Variants in KCNC2 observed in about 807,000 individuals in gnomAD.
The protein encoded by KCNC2 is voltage-gated potassium channel KCNC2.
A neutral mutation model predicts 44.5 loss-of-function variants in KCNC2; 21 were observed. The observed-to-expected ratio is 0.47, with a 90% CI of 0.33 to 0.68. KCNC2 has a LOEUF of 0.68. Ranked by LOEUF, KCNC2 falls within the 30% of genes least tolerant of loss-of-function variation. KCNC2 has a pLI of 0.01. For synonymous variants in KCNC2, 391 were observed against 339.1 expected, an observed-to-expected ratio of 1.15 and a Z score of -1.68; for missense variants, 589 against 826.2, an observed-to-expected ratio of 0.71 and a Z score of 3.52.
At chr12:75,104,589 T>C (rs1422127985) in intron 2 of KCNC2, among the ~76,000 whole-genome samples, 1 of 152,160 alleles carries the variant, frequency 6.6e-6, no homozygotes, top group African/African-American at 2.4e-5. Context: ...ATTCTGAGCA[T>C]GGTTTTAAAA....
chr12:75,171,027 C>T (rs1357812183), intron 2 of KCNC2, among the ~76,000 whole-genome samples: 1 of 151,276 alleles, frequency 6.6e-6, no homozygotes, highest in Non-Finnish European at 1.5e-5. Flanking sequence ...CGGTCTTAAC[C>T]ACCTGGGCCT....
At chr12:75,208,674 AC>A (rs2031910745) in intron 1 of KCNC2, among the ~76,000 whole-genome samples, 1 of 148,466 alleles carries the variant, frequency 6.7e-6, no homozygotes, top group African/African-American at 2.5e-5. Flanking sequence ...CTTCTGAGCA[AC>A]CTGTTCTAGG....
intron 2 of KCNC2, among the ~76,000 whole-genome samples, chr12:75,053,583 C>T (rs183012979): frequency 6.6e-6 from 1 of 151,892 alleles, no homozygotes; most frequent in Non-Finnish European, 1.5e-5. Flanking sequence ...ATTTAAAGGA[C>T]CACACCATGA....
chr12:75,161,888 G>A (rs112236646), intron 2 of KCNC2, among the ~76,000 whole-genome samples: 42 of 151,740 alleles, frequency 2.8e-4, no homozygotes, highest in African/African-American at 1.0e-3. Flanking sequence ...GCAGAAATAG[G>A]AAGACACATT....
At position 75,043,162 on chromosome 12, in the gene KCNC2, G is replaced by C; in HGVS notation, c.1860C>G (p.Pro620=). The C allele has an allele frequency of 6.2e-7, 1 of 1,612,532 alleles. No homozygotes were observed. The highest frequency in any genetic ancestry group is 2.2e-5 in the East Asian group (1 of 44,802). The change falls in exon 5 of 5, where the codon CCC becomes CCG. Residue 620 remains proline (P), a synonymous_variant. Transcript: ENST00000549446. The part of the protein sequence containing the change: ...NALRLSPVTS[P]YNSPCPLRRS... ...GCCTCAGAGGACAAGGAGAGTTGTA[G>C]GGTGATGTTACTGGAGAGAGCCTCA...
chr12:75,128,083 T>C (rs576267764), intron 2 of KCNC2, among the ~76,000 whole-genome samples: 4 of 152,294 alleles, frequency 2.6e-5, no homozygotes, highest in South Asian at 4.1e-4. Context: ...ACTCAAATTA[T>C]ATGTAATTCT....
intron 2 of KCNC2, among the ~76,000 whole-genome samples, chr12:75,202,604 A>C (rs1439151300): frequency 6.6e-6 from 1 of 151,794 alleles, no homozygotes; most frequent in Non-Finnish European, 1.5e-5. Context: ...CAAATAGCTC[A>C]ATTGTTGTTT....
At chr12:75,182,305 A>G (rs1469544724) in intron 2 of KCNC2, among the ~76,000 whole-genome samples, 1 of 151,572 alleles carries the variant, frequency 6.6e-6, no homozygotes, top group African/African-American at 2.4e-5. Flanking sequence ...GGGGCAGATC[A>G]CAAGATCAGG....
intron 2 of KCNC2, among the ~76,000 whole-genome samples, chr12:75,095,216 G>A (rs1885820643): frequency 6.6e-6 from 1 of 151,754 alleles, no homozygotes; most frequent in South Asian, 2.1e-4. Flanking sequence ...GCTTTCATCT[G>A]CAATCTATGA....
At chr12:75,149,786 C>T (rs952369995) in intron 2 of KCNC2, among the ~76,000 whole-genome samples, 11 of 151,492 alleles carry the variant, frequency 7.3e-5, no homozygotes, top group African/African-American at 2.2e-4. Context: ...AATAAAAATG[C>T]GTAAATATAA....
chr12:75,081,653 T>A (rs1212319006), intron 2 of KCNC2, among the ~76,000 whole-genome samples: 1 of 151,960 alleles, frequency 6.6e-6, no homozygotes, highest in African/African-American at 2.4e-5. Flanking sequence ...ATGTTAGCAA[T>A]AAAAATGTCC....
chr12:75,072,876 T>A (rs1050895304), intron 2 of KCNC2, among the ~76,000 whole-genome samples: 1 of 152,192 alleles, frequency 6.6e-6, no homozygotes, highest in African/African-American at 2.4e-5. Flanking sequence ...CAAATAAATA[T>A]AACTTGCCAA....
Position 75,042,925 on chromosome 12 carries a change from C to T in KCNC2, c.*180G>A, listed in dbSNP as rs906251766. On this transcript the variant is annotated 3_prime_UTR_variant, in exon 5 of 5. Coordinates refer to ENST00000549446, the MANE Select transcript of KCNC2 (RefSeq NM_139137.4). ...GCACTACTTTAGACAATCTTTAAAG[C>T]CTGGGTAAGATTCATTAGCTACCCA... 7.2e-7 allele frequency: 1 copy of T among 1,396,690 alleles called. No homozygotes were observed. The highest frequency in any genetic ancestry group is 1.5e-5 in the African/African-American group (1 of 68,586). The allele number at this position is 1,396,690 out of a possible 1,614,324, so 86.5% of individuals were successfully genotyped here. A position where few individuals can be genotyped will look rare whatever the true frequency, so the allele number is the denominator to read the frequency against.
At chr12:75,085,598 C>T (rs77870216) in intron 2 of KCNC2, among the ~76,000 whole-genome samples, 7,510 of 152,052 alleles carry the variant, frequency 0.049, 277 homozygotes, top group Non-Finnish European at 0.075. Flanking sequence ...CTGCTATAGG[C>T]GGGCTGACAT....
chr12:75,045,057 G>A (rs573122220), intron 4 of KCNC2, among the ~76,000 whole-genome samples: 10 of 152,000 alleles, frequency 6.6e-5, no homozygotes, highest in African/African-American at 2.4e-4. Context: ...GGGAATTGTA[G>A]GAAAAAATTA....
intron 2 of KCNC2, among the ~76,000 whole-genome samples, chr12:75,171,228 G>C (rs1276749997): frequency 6.6e-6 from 1 of 151,734 alleles, no homozygotes; most frequent in East Asian, 2.0e-4. Flanking sequence ...AGTTACTTCG[G>C]CAAAATCCCT....
chr12:75,128,652 AG>A lies in KCNC2; in HGVS notation c.688-77336del, dbSNP rs1888613374. ...GGTTTTGTTCTTCAAATCCTACAAC[AG>A]GAAAAAAAACAGATATTTAAGCTTC... is the stretch of plus-strand genomic sequence containing the variant. On this transcript the variant is annotated intron_variant, in intron 2 of 4. Coordinates refer to ENST00000549446, the MANE Select transcript of KCNC2 (RefSeq NM_139137.4). Among the ~76,000 whole-genome samples the A allele has an allele frequency of 3.3e-5, 5 of 151,334 alleles. No homozygotes were observed. In the South Asian group the frequency reaches 1.0e-3, roughly 31 times the overall value.
chr12:75,077,910 GA>G (rs200543927), intron 2 of KCNC2, among the ~76,000 whole-genome samples: 10 of 151,336 alleles, frequency 6.6e-5, no homozygotes, highest in African/African-American at 1.5e-4. Flanking sequence ...GAGTGGTATT[GA>G]AAAAAAACCC....
At chr12:75,206,758 G>A (rs1019626980) in intron 2 of KCNC2, among the ~76,000 whole-genome samples, 16 of 152,100 alleles carry the variant, frequency 1.1e-4, no homozygotes, top group African/African-American at 1.9e-4. Context: ...TAAACCTCCA[G>A]GCAAACCTTT....
Sources: allele counts gnomAD v4.1 joint callset (sites outside exome capture counted in the v4.1 genomes callset), GRCh38; gene constraint gnomAD v4.1.1; transcripts MANE v1.5; gene names NCBI Gene and HGNC (gene_info 2026-07-23, HGNC 2026-07-21).